Variants in ENAH observed in about 807,000 individuals in gnomAD.
ENAH encodes protein enabled homolog.
A neutral mutation model predicts 78.7 loss-of-function variants in ENAH; 23 were observed. That is an observed-to-expected ratio of 0.29 (90% confidence interval 0.21 to 0.41). The LOEUF (loss-of-function observed/expected upper bound fraction) is 0.41, where lower values mean the gene tolerates loss of function less well. Ranked by LOEUF, ENAH falls within the 10% of genes least tolerant of loss-of-function variation. The pLI, the probability that ENAH is intolerant of heterozygous loss-of-function variation, is 1.00. For synonymous variants in ENAH, 226 were observed against 241.0 expected, an observed-to-expected ratio of 0.94 and a Z score of 0.58; for missense variants, 544 against 691.0, an observed-to-expected ratio of 0.79 and a Z score of 2.39.
intron 9 of ENAH, 118 bp downstream of exon 9, chr1:225,512,539 G>T: frequency 9.8e-7 from 1 of 1,015,944 alleles, no homozygotes; most frequent in Non-Finnish European, 1.4e-6. Flanking sequence ...TTAAAAATTA[G>T]CAAATATAAG....
At chr1:225,615,159 C>T (rs936605729) in intron 1 of ENAH, among the ~76,000 whole-genome samples, 49 of 152,204 alleles carry the variant, frequency 3.2e-4, no homozygotes, top group Admixed American at 1.2e-3. Flanking sequence ...TCTCCTGCCT[C>T]AGCCTGCGGA....
intron 1 of ENAH, among the ~76,000 whole-genome samples, chr1:225,614,981 C>T (rs1424543169): frequency 6.6e-6 from 1 of 152,094 alleles, no homozygotes; most frequent in Non-Finnish European, 1.5e-5. Context: ...TTTTCTCCCT[C>T]TCCCTCTCCC....
intron 1 of ENAH, among the ~76,000 whole-genome samples, chr1:225,610,016 G>A (rs1363097916): frequency 1.3e-5 from 2 of 151,890 alleles, no homozygotes; most frequent in Non-Finnish European, 2.9e-5. Flanking sequence ...TTATTAATAT[G>A]TACATGTATA....
intron 6 of ENAH, among the ~76,000 whole-genome samples, chr1:225,516,352 C>T (rs1470531038): frequency 6.6e-6 from 1 of 152,130 alleles, no homozygotes; most frequent in Non-Finnish European, 1.5e-5. Context: ...GTTAGGGTGA[C>T]ACCTATCCTG....
chr1:225,593,686 G>A (rs949785635), intron 1 of ENAH, among the ~76,000 whole-genome samples: 18 of 152,174 alleles, frequency 1.2e-4, no homozygotes, highest in African/African-American at 4.1e-4. Flanking sequence ...TAACCAAAGA[G>A]AATTACTGGC....
intron 1 of ENAH, among the ~76,000 whole-genome samples, chr1:225,582,528 G>A (rs1246843030): frequency 4.6e-5 from 7 of 152,170 alleles, no homozygotes; most frequent in African/African-American, 9.7e-5. Flanking sequence ...AACCCCCACA[G>A]ACTTTCTAGC....
rs2150983373 is a variant in ENAH, at chr1:225,488,320, A to G, written c.*9455T>C. On this transcript the variant is annotated 3_prime_UTR_variant, in exon 14 of 14. Coordinates refer to ENST00000366843, the MANE Select transcript of ENAH (RefSeq NM_018212.6). ...AGCACGCACCACCACACCTGGCTTA[A>G]GTAGAAGGTTCTGAAATCTGCCAGA... is the stretch of plus-strand genomic sequence containing the variant. 1 of 152,134 alleles carries G rather than the reference A, an allele frequency of 6.6e-6. No homozygotes were observed. Among genetic ancestry groups the G allele is most frequent in the East Asian group, 1.9e-4 (1 of 5,196 alleles). 9.4% of individuals were successfully genotyped at this position (152,134 alleles called of 1,614,324 possible).
chr1:225,615,420 T>G (rs1439162855), intron 1 of ENAH, among the ~76,000 whole-genome samples: 1 of 152,164 alleles, frequency 6.6e-6, no homozygotes, highest in Non-Finnish European at 1.5e-5. Context: ...CCGCCTGCCT[T>G]GGCCTCCCAA....
At chr1:225,588,325 T>G (rs2096857490) in intron 1 of ENAH, among the ~76,000 whole-genome samples, 1 of 152,148 alleles carries the variant, frequency 6.6e-6, no homozygotes, top group Non-Finnish European at 1.5e-5. Context: ...GGCAAATAAG[T>G]TGAACAGATG....
intron 1 of ENAH, among the ~76,000 whole-genome samples, chr1:225,589,024 T>C (rs977738973): frequency 2.6e-5 from 4 of 152,050 alleles, no homozygotes; most frequent in African/African-American, 9.7e-5. Flanking sequence ...ACATGATAAA[T>C]TGCAAAAACA....
At chr1:225,599,796 TAAAAAAA>T (rs34052384) in intron 1 of ENAH, among the ~76,000 whole-genome samples, 24 of 82,974 alleles carry the variant, frequency 2.9e-4, no homozygotes, top group African/African-American at 1.0e-3. Context: ...GACTCCGTCT[TAAAAAAA>T]AAAAAAAAAA....
In ENAH at chr1:225,555,021, G is replaced by A; in HGVS notation, c.234C>T (p.His78=). ...LKYNQATQTF[H]QWRDARQVYG... Reference sequence around the variant, plus strand: ...ACACCTGTCTAGCATCTCGCCACTGGTGGAAGGTCTGTGTAGCTTGATTGT... The same window carrying A: ...ACACCTGTCTAGCATCTCGCCACTGATGGAAGGTCTGTGTAGCTTGATTGT... The change falls in exon 3 of 14, where the codon CAC becomes CAT. Residue 78 remains histidine (H), a synonymous_variant. Transcript: ENST00000366843. The A allele has an allele frequency of 6.2e-7, 1 of 1,607,776 alleles. No homozygotes were observed.
chr1:225,560,244 C>G (rs1372221337), intron 2 of ENAH, among the ~76,000 whole-genome samples: 4 of 151,888 alleles, frequency 2.6e-5, no homozygotes, highest in Non-Finnish European at 5.9e-5. Flanking sequence ...GTAATTCCAG[C>G]ACTTTGGGAG....
chr1:225,612,026 C>T (rs1412667711), intron 1 of ENAH, among the ~76,000 whole-genome samples: 1 of 152,164 alleles, frequency 6.6e-6, no homozygotes, highest in Admixed American at 6.5e-5. Flanking sequence ...TTTGGCCAGT[C>T]CTCAATGAGC....
At chr1:225,594,215 A>G (rs1032440669) in intron 1 of ENAH, among the ~76,000 whole-genome samples, 1 of 152,296 alleles carries the variant, frequency 6.6e-6, no homozygotes, top group Admixed American at 6.5e-5. Flanking sequence ...CATGCAATAT[A>G]TTTTACTTCT....
intron 1 of ENAH, among the ~76,000 whole-genome samples, chr1:225,645,061 C>T (rs1661695234): frequency 6.6e-6 from 1 of 152,210 alleles, no homozygotes; most frequent in African/African-American, 2.4e-5. Context: ...AAAGCCACCA[C>T]TACCAAGGTT....
At chr1:225,571,465 A>G (rs962835944) in intron 1 of ENAH, among the ~76,000 whole-genome samples, 1 of 152,156 alleles carries the variant, frequency 6.6e-6, no homozygotes, top group Non-Finnish European at 1.5e-5. Flanking sequence ...CTCACCTTTT[A>G]TAACTCTACT....
At chr1:225,509,499 A>G (rs1364204995) in intron 10 of ENAH, among the ~76,000 whole-genome samples, 1 of 152,068 alleles carries the variant, frequency 6.6e-6, no homozygotes, top group Non-Finnish European at 1.5e-5. Context: ...CTCTCTAAGG[A>G]GCTCGGGTGT....
At chr1:225,547,428 G>A (rs765775585) in intron 3 of ENAH, among the ~76,000 whole-genome samples, 6 of 152,110 alleles carry the variant, frequency 3.9e-5, no homozygotes, top group African/African-American at 1.4e-4. Context: ...TAATGAAAAA[G>A]TTACCTAAGT....
Sources: gnomAD v4.1 joint callset for allele counts (sites outside exome capture counted in the v4.1 genomes callset) on GRCh38, gnomAD v4.1.1 for gene constraint, MANE v1.5 for transcripts, NCBI Gene and HGNC (gene_info 2026-07-23, HGNC 2026-07-21) for gene names.